Variants in EPN2 observed in about 807,000 individuals in gnomAD.
EPN2 encodes the protein epsin 2, also known as epsin-2.
EPN2 carries 34 observed loss-of-function variants against 61.7 expected under a neutral mutation model. That is an observed-to-expected ratio of 0.55 (90% CI 0.42 to 0.73). The LOEUF (loss-of-function observed/expected upper bound fraction) is 0.73, where lower values mean the gene tolerates loss of function less well. EPN2 is among the 30% of genes least tolerant of loss of function. The pLI is 0.00. For synonymous variants in EPN2, 349 were observed against 353.6 expected, an observed-to-expected ratio of 0.99 and a Z score of 0.15; for missense variants, 714 against 839.2, an observed-to-expected ratio of 0.85 and a Z score of 1.84.
intron 1 of EPN2, chr17:19,274,317 A>T (rs1043536837): frequency 6.6e-6 from 1 of 152,280 alleles, no homozygotes; most frequent in African/African-American, 2.4e-5. Context: ...ACTGTGGGAA[A>T]GGTGGGGTGT....
chr17:19,262,835 T>C (rs950101342), intron 1 of EPN2, among the ~76,000 whole-genome samples: 54 of 152,286 alleles, frequency 3.5e-4, no homozygotes, highest in Non-Finnish European at 5.9e-4. Context: ...AATGGAGTCA[T>C]ACAGTGTGTG....
At chr17:19,239,654 C>T (rs1393121880) in intron 1 of EPN2, among the ~76,000 whole-genome samples, 4 of 152,182 alleles carry the variant, frequency 2.6e-5, no homozygotes, top group South Asian at 2.1e-4. Context: ...CACAAGTCCC[C>T]GGACCAGGAG....
Position 19,333,938 on chromosome 17 carries a change from CT to C in EPN2, c.1628-17del. The C allele has an allele frequency of 1.3e-6, 2 of 1,516,152 alleles. No individual in the cohort carries two copies. The highest frequency in any genetic ancestry group is 1.8e-6 in the Non-Finnish European group (2 of 1,128,282). 93.9% of individuals were successfully genotyped at this position (1,516,152 alleles called of 1,614,324 possible). The stretch of plus-strand genomic sequence containing the variant: ...CACCCTGACGGCTCAGCCTCTGCCC[CT>C]CCTTCTGTCTCCCCAGGTGCTCCCG... On this transcript the variant is annotated splice_polypyrimidine_tract_variant and intron_variant, in intron 10 of 10. Transcript: ENST00000314728.
At chr17:19,315,290 C>T (rs948292707) in intron 7 of EPN2, among the ~76,000 whole-genome samples, 7 of 152,096 alleles carry the variant, frequency 4.6e-5, no homozygotes, top group African/African-American at 7.2e-5. Context: ...AGGAACATAG[C>T]GTAATAGCAA....
At chr17:19,264,935 A>G (rs1432052196) in intron 1 of EPN2, among the ~76,000 whole-genome samples, 4 of 151,822 alleles carry the variant, frequency 2.6e-5, no homozygotes, top group Non-Finnish European at 4.4e-5. Context: ...GCGAGCTCCA[A>G]GGCCTCTGGC....
At chr17:19,287,776 G>GCAGCCA (rs1324961057) in intron 4 of EPN2, among the ~76,000 whole-genome samples, 1 of 152,184 alleles carries the variant, frequency 6.6e-6, no homozygotes, top group Non-Finnish European at 1.5e-5. Flanking sequence ...TCACATGAGA[G>GCAGCCA]CAGCCACAGC....
Position 19,334,183 on chromosome 17 carries a change from A to G in EPN2, c.1855A>G (p.Met619Val). 1 of 1,576,968 alleles carries G rather than the reference A, an allele frequency of 6.3e-7. No homozygotes were observed. The highest frequency in any genetic ancestry group is 8.6e-7 in the Non-Finnish European group (1 of 1,157,692). ...LTPLGPAMMN[M>V]VGSVGIPPSA... ...ACCACTGGGCCCTGCAATGATGAAC[A>G]TGGTGGGCAGTGTGGGTATACCCCC... is the stretch of plus-strand genomic sequence containing the variant. The change falls in exon 11 of 11, where the codon ATG (methionine) becomes GTG (valine). Residue 619 changes from methionine to valine, a missense_variant. Met to Val is a conservative substitution (Grantham distance 21). Coordinates refer to ENST00000314728, the MANE Select transcript of EPN2 (RefSeq NM_014964.5). The surrounding 1 kb of genome is among the most constrained non-coding windows in gnomAD (Gnocchi z 4.9).
At chr17:19,300,640 C>T (rs1026447673) in intron 4 of EPN2, among the ~76,000 whole-genome samples, 4 of 152,038 alleles carry the variant, frequency 2.6e-5, no homozygotes, top group African/African-American at 9.7e-5. Context: ...GTTGGTCAGG[C>T]TGGTCTCGAA....
At chr17:19,294,104 A>G (rs948745000) in intron 4 of EPN2, among the ~76,000 whole-genome samples, 2 of 151,556 alleles carry the variant, frequency 1.3e-5, no homozygotes, top group Non-Finnish European at 2.9e-5. Flanking sequence ...AAAAAAAAAA[A>G]GAAACAGTGC....
chr17:19,332,622 C>T (rs900380377), intron 10 of EPN2, among the ~76,000 whole-genome samples: 2 of 152,162 alleles, frequency 1.3e-5, no homozygotes, highest in African/African-American at 4.8e-5. Flanking sequence ...TCTTCCCTTC[C>T]TGTGTGCATG....
intron 4 of EPN2, among the ~76,000 whole-genome samples, chr17:19,290,661 G>T (rs1460339893): frequency 7.9e-6 from 1 of 126,400 alleles, no homozygotes; most frequent in Non-Finnish European, 1.6e-5. Context: ...GTACCTTGCA[G>T]TTCTTGGTGG....
chr17:19,318,345 C>G (rs1393794409), intron 7 of EPN2, among the ~76,000 whole-genome samples: 1 of 151,266 alleles, frequency 6.6e-6, no homozygotes, highest in African/African-American at 2.4e-5. Context: ...GTCAAGAGAT[C>G]GAGACCATCC....
chr17:19,263,102 C>G (rs138568933), intron 1 of EPN2, among the ~76,000 whole-genome samples: 1 of 152,342 alleles, frequency 6.6e-6, no homozygotes, highest in East Asian at 1.9e-4. Context: ...GAGGCTCCAT[C>G]CTGACATAGG....
At chr17:19,327,188 T>C (rs2152238555) in intron 7 of EPN2, among the ~76,000 whole-genome samples, 1 of 152,276 alleles carries the variant, frequency 6.6e-6, no homozygotes, top group South Asian at 2.1e-4. Context: ...CGTGTATACA[T>C]GTGAACAAGA....
At chr17:19,331,774 G>T in intron 9 of EPN2, 79 bp from the exon 10 acceptor site, 2 of 1,245,232 alleles carry the variant, frequency 1.6e-6, no homozygotes. Context: ...GTCCCCAGGA[G>T]GCCATGTTTT....
At position 19,291,541 on chromosome 17, in the gene EPN2, C is replaced by T. The variant is rs143319471; in HGVS notation, c.766+5751C>T. 6.8e-4 allele frequency among the ~76,000 whole-genome samples: 100 copies of T among 147,070 alleles called. 4 individuals are homozygous for T. The East Asian group carries it at 0.019, about 28-fold the overall frequency. Reference sequence around the variant, plus strand: ...CAAGCTCCGCTTCCTGGGTTCACGCCGTTCTCCTGCCTCAGCCTCCTGAGT... The same window carrying T: ...CAAGCTCCGCTTCCTGGGTTCACGCTGTTCTCCTGCCTCAGCCTCCTGAGT... On this transcript the variant is annotated intron_variant, in intron 4 of 10. Coordinates refer to ENST00000314728, the MANE Select transcript of EPN2 (RefSeq NM_014964.5).
chr17:19,329,421 C>T (rs1907054588), intron 8 of EPN2, 140 bp from the exon 9 acceptor site: 2 of 616,268 alleles, frequency 3.2e-6, no homozygotes, highest in South Asian at 2.3e-5. Context: ...CTCTTTGGCT[C>T]TCAGAATTCT....
intron 1 of EPN2, among the ~76,000 whole-genome samples, chr17:19,259,834 T>TTTTA (rs1567845358): frequency 4.2e-4 from 64 of 152,290 alleles, no homozygotes; most frequent in African/African-American, 1.4e-3. Flanking sequence ...AGGGACGGAC[T>TTTTA]TCTTTATCTT....
chr17:19,261,526 AGGCAG>A (rs1283116716), intron 1 of EPN2, among the ~76,000 whole-genome samples: 14 of 152,176 alleles, frequency 9.2e-5, no homozygotes, highest in Admixed American at 7.9e-4. Flanking sequence ...ATTCTGATCT[AGGCAG>A]AGTCTTTAAA....
Sources: allele counts gnomAD v4.1 joint callset (sites outside exome capture counted in the v4.1 genomes callset), GRCh38; gene constraint gnomAD v4.1.1; non-coding constraint Gnocchi (gnomAD v3.1); transcripts MANE v1.5; gene names NCBI Gene and HGNC (gene_info 2026-07-23, HGNC 2026-07-21).